CLIC2: variants seen among roughly 807,000 people sequenced by gnomAD.
The protein encoded by CLIC2 is chloride intracellular channel protein 2.
CLIC2 carries 9 observed loss-of-function variants against 14.8 expected under a neutral mutation model. The ratio of observed to expected loss-of-function variants is 0.61; its 90% CI spans 0.37 to 1.06. The LOEUF (loss-of-function observed/expected upper bound fraction) is 1.06. Among genes scored for constraint, CLIC2 ranks in the 50% least tolerant of loss-of-function variants. The pLI is 0.01. For missense variants in CLIC2, 148 were observed against 181.4 expected, an observed-to-expected ratio of 0.82 and a Z score of 1.06; for synonymous variants, 61 against 66.3, an observed-to-expected ratio of 0.92 and a Z score of 0.39.
intron 1 of CLIC2, among the ~76,000 whole-genome samples, chrX:155,309,969 C>T (rs1448541292): frequency 2.7e-5 from 3 of 112,235 alleles, no homozygotes; most frequent in Non-Finnish European, 5.6e-5. Context: ...TCCAAAGTCT[C>T]ATCTGAGACA....
chrX:155,284,096 GC>G (rs1252406497), intron 3 of CLIC2, among the ~76,000 whole-genome samples: 1 of 111,000 alleles, frequency 9.0e-6, no homozygotes, highest in African/African-American at 3.3e-5. Flanking sequence ...CTGAAATTTA[GC>G]CAGAATTGAG....
At chrX:155,329,636 C>T (rs1365192907) in intron 1 of CLIC2, among the ~76,000 whole-genome samples, 2 of 108,444 alleles carry the variant, frequency 1.8e-5, no homozygotes, top group African/African-American at 6.7e-5. Flanking sequence ...GGAGGTTCCT[C>T]AAAAAAATGA....
intron 1 of CLIC2, among the ~76,000 whole-genome samples, chrX:155,306,858 T>C (rs782592325): frequency 1.0e-3 from 114 of 111,236 alleles, no homozygotes; most frequent in Non-Finnish European, 1.7e-3. Context: ...ATCCAAACAC[T>C]TTCCACCATG....
In CLIC2 at chrX:155,306,017, G is replaced by A. The variant is rs149964739; in HGVS notation, c.58-6872C>T. On this transcript the variant is annotated intron_variant, in intron 1 of 5. Transcript: ENST00000369449. ...TCATTTATTTGGATTTTGTTTTGGTGTAAGAAGTGTATGAGGACTTCTTTA... is the reference window on the plus strand; with the variant it reads ...TCATTTATTTGGATTTTGTTTTGGTATAAGAAGTGTATGAGGACTTCTTTA... 6.9e-3 allele frequency among the ~76,000 whole-genome samples: 775 copies of A among 112,092 alleles called. 7 individuals are homozygous for A. Among genetic ancestry groups the A allele is most frequent in the African/African-American group, 0.024 (736 of 30,872 alleles).
chrX:155,326,966 C>T (rs1468002981), intron 1 of CLIC2, among the ~76,000 whole-genome samples: 5 of 111,571 alleles, frequency 4.5e-5, no homozygotes, highest in Middle Eastern at 4.6e-3. Flanking sequence ...AAGGGCAACA[C>T]GGATCTGTGT....
At chrX:155,286,423 T>C (rs1359398885) in intron 3 of CLIC2, among the ~76,000 whole-genome samples, 4 of 112,146 alleles carry the variant, frequency 3.6e-5, no homozygotes, top group Non-Finnish European at 5.6e-5. Context: ...TTATTGTGAA[T>C]AGTGCTGCAA....
chrX:155,297,226 C>T (rs1299434586), intron 3 of CLIC2, among the ~76,000 whole-genome samples: 1 of 111,170 alleles, frequency 9.0e-6, no homozygotes, highest in Non-Finnish European at 1.9e-5. Flanking sequence ...ACAAAAATAG[C>T]ATGTTCTCAC....
chrX:155,321,753 C>G (rs1383035999), intron 1 of CLIC2, among the ~76,000 whole-genome samples: 3 of 111,154 alleles, frequency 2.7e-5, no homozygotes, highest in African/African-American at 9.8e-5. Context: ...CCAATTAAAA[C>G]ACACAGACCG....
chrX:155,326,058 T>C (rs1442468396), intron 1 of CLIC2, among the ~76,000 whole-genome samples: 1 of 108,093 alleles, frequency 9.3e-6, no homozygotes, highest in Non-Finnish European at 1.9e-5. Context: ...AGACTACACA[T>C]TGGGTACAGT....
chrX:155,283,350 TTGAG>T (rs1557316719), intron 3 of CLIC2, among the ~76,000 whole-genome samples: 1 of 112,332 alleles, frequency 8.9e-6, no homozygotes, highest in Non-Finnish European at 1.9e-5. Context: ...TGTTGTTTTA[TTGAG>T]TATTTTATTA....
intron 5 of CLIC2, among the ~76,000 whole-genome samples, chrX:155,278,503 T>C (rs1557316046): frequency 8.9e-6 from 1 of 112,704 alleles, no homozygotes; most frequent in Non-Finnish European, 1.9e-5. Context: ...CCAAATTGGT[T>C]ATTCCCTATT....
intron 4 of CLIC2, 101 bp from the exon 5 acceptor site, chrX:155,279,431 A>C: frequency 8.3e-6 from 5 of 601,084 alleles, no homozygotes; most frequent in Non-Finnish European, 8.2e-6. Flanking sequence ...CTATCTATAC[A>C]TACTACTTAC....
Position 155,299,159 on chromosome X carries a change from G to C in CLIC2, c.58-14C>G. 1 of 1,136,739 alleles carries C rather than the reference G, an allele frequency of 8.8e-7. No homozygotes were observed. Among genetic ancestry groups the C allele is most frequent in the Non-Finnish European group, 1.2e-6 (1 of 827,875 alleles). 93.7% of individuals were successfully genotyped at this position (1,136,739 alleles called of 1,213,427 possible). On this transcript the variant is annotated splice_polypyrimidine_tract_variant and intron_variant, in intron 1 of 5. Coordinates refer to ENST00000369449, the MANE Select transcript of CLIC2 (RefSeq NM_001289.6). ...ATCACTTCCAGCCTATTAAGATAAAGAGAGACCTCAGTTCATTTGTTTGTT... is the reference window on the plus strand; with the variant it reads ...ATCACTTCCAGCCTATTAAGATAAACAGAGACCTCAGTTCATTTGTTTGTT...
chrX:155,321,042 C>T (rs2075112508), intron 1 of CLIC2, among the ~76,000 whole-genome samples: 1 of 111,544 alleles, frequency 9.0e-6, no homozygotes, highest in East Asian at 2.8e-4. Flanking sequence ...CAAACAAAGC[C>T]TCCAAGAAAT....
chrX:155,320,016 C>G (rs782032489), intron 1 of CLIC2, among the ~76,000 whole-genome samples: 72 of 112,781 alleles, frequency 6.4e-4, no homozygotes, highest in African/African-American at 2.3e-3. Flanking sequence ...CTAGATTCCT[C>G]CCTCTGGGCA....
intron 1 of CLIC2, among the ~76,000 whole-genome samples, chrX:155,307,004 T>G (rs1206179410): frequency 9.0e-6 from 1 of 111,580 alleles, no homozygotes; most frequent in East Asian, 2.8e-4. Context: ...GCACTTGAGT[T>G]TATTGGTGGA....
At chrX:155,312,102 C>G (rs1284514968) in intron 1 of CLIC2, among the ~76,000 whole-genome samples, 1 of 111,779 alleles carries the variant, frequency 8.9e-6, no homozygotes, top group Non-Finnish European at 1.9e-5. Context: ...AATGATCATT[C>G]ATTCTGTAGG....
At chrX:155,287,409 C>T (rs2074946999) in intron 3 of CLIC2, among the ~76,000 whole-genome samples, 1 of 111,549 alleles carries the variant, frequency 9.0e-6, no homozygotes, top group Non-Finnish European at 1.9e-5. Flanking sequence ...TCTTGGCTCA[C>T]TGCAACCTCC....
In CLIC2 at chrX:155,334,468, A is replaced by G. The variant is rs1445710995; in HGVS notation, c.-41T>C. The G allele has an allele frequency of 2.5e-5, 27 of 1,067,705 alleles. No individual in the cohort carries two copies. The highest frequency in any genetic ancestry group is 3.5e-5 in the Non-Finnish European group (27 of 765,715). 88.0% of individuals were successfully genotyped at this position (1,067,705 alleles called of 1,213,427 possible). On this transcript the variant is annotated 5_prime_UTR_variant, in exon 1 of 6. Coordinates refer to ENST00000369449, the MANE Select transcript of CLIC2 (RefSeq NM_001289.6). ...CAGTTGTCAGCCTCCTGCCTCCTGT[A>G]GAGTCCACAATACTTGTAGACTCTT...
Sources: allele counts gnomAD v4.1 joint callset (sites outside exome capture counted in the v4.1 genomes callset), GRCh38; gene constraint gnomAD v4.1.1; transcripts MANE v1.5; gene names NCBI Gene and HGNC (gene_info 2026-07-23, HGNC 2026-07-21).